Variants in DARS1 observed in about 807,000 individuals in gnomAD.
DARS1 encodes aspartate--tRNA ligase, cytoplasmic.
DARS1 carries 51 observed loss-of-function variants against 68.8 expected under a neutral mutation model. That is an observed-to-expected ratio of 0.74 (90% CI 0.59 to 0.94). The LOEUF (loss-of-function observed/expected upper bound fraction) is 0.94. Ranked by LOEUF, DARS1 falls within the 40% of genes least tolerant of loss-of-function variation. DARS1 has a pLI of 0.00. For missense variants in DARS1, 607 were observed against 597.3 expected, an observed-to-expected ratio of 1.02 and a Z score of -0.17; for synonymous variants, 203 against 190.4, an observed-to-expected ratio of 1.07 and a Z score of -0.55.
At chr2:135,970,190 T>C (rs1682334896) in intron 3 of DARS1, among the ~76,000 whole-genome samples, 1 of 142,866 alleles carries the variant, frequency 7.0e-6, no homozygotes, top group African/African-American at 2.6e-5. Context: ...TGCAGTGCGC[T>C]GCAATCATAC....
intron 2 of DARS1, among the ~76,000 whole-genome samples, chr2:135,980,090 G>GC (rs762080703): frequency 2.0e-5 from 3 of 152,154 alleles, no homozygotes; most frequent in Non-Finnish European, 4.4e-5. Flanking sequence ...TGCTTCCTGA[G>GC]CCCCAAGATC....
intron 4 of DARS1, among the ~76,000 whole-genome samples, chr2:135,950,909 G>C (rs911153421): frequency 6.6e-6 from 1 of 152,130 alleles, no homozygotes; most frequent in African/African-American, 2.4e-5. Flanking sequence ...ACAAAGGGGC[G>C]GGGAACAGTG....
chr2:135,970,647 T>TA (rs1682349097), intron 3 of DARS1, among the ~76,000 whole-genome samples: 1 of 151,048 alleles, frequency 6.6e-6, no homozygotes, highest in Non-Finnish European at 1.5e-5. Context: ...GGAAACAATA[T>TA]AAAAGATCAA....
chr2:135,944,509 A>G (rs1375011923), intron 4 of DARS1, among the ~76,000 whole-genome samples: 1 of 152,188 alleles, frequency 6.6e-6, no homozygotes, highest in African/African-American at 2.4e-5. Context: ...AGTAGTTAAG[A>G]AAGAAAATTG....
chr2:135,925,550 G>A (rs1321568695), intron 7 of DARS1, among the ~76,000 whole-genome samples: 2 of 152,108 alleles, frequency 1.3e-5, no homozygotes, highest in Non-Finnish European at 2.9e-5. Flanking sequence ...TTGAATTTCT[G>A]CAGATCAGAT....
intron 4 of DARS1, among the ~76,000 whole-genome samples, chr2:135,952,577 A>T (rs1261366771): frequency 1.3e-5 from 2 of 151,498 alleles, no homozygotes; most frequent in African/African-American, 4.9e-5. Context: ...GCCCCCCACC[A>T]ACTATTCTCT....
intron 10 of DARS1, among the ~76,000 whole-genome samples, chr2:135,916,691 G>A (rs1176617970): frequency 2.0e-5 from 3 of 151,950 alleles, no homozygotes; most frequent in Non-Finnish European, 2.9e-5. Flanking sequence ...AACAATTCTT[G>A]TTATCACTGA....
At chr2:135,979,848 T>C (rs1192204058) in intron 2 of DARS1, among the ~76,000 whole-genome samples, 1 of 152,226 alleles carries the variant, frequency 6.6e-6, no homozygotes, top group African/African-American at 2.4e-5. Context: ...ACAGTCGCAG[T>C]ATCCTATTCC....
Position 135,957,828 on chromosome 2 carries a change from A to T in DARS1, c.320+3568T>A, listed in dbSNP as rs993482629. 2.0e-5 allele frequency among the ~76,000 whole-genome samples: 3 copies of T among 152,180 alleles called. No individual in the cohort carries two copies. In the East Asian group the frequency reaches 5.8e-4, roughly 29 times the overall value. On this transcript the variant is annotated intron_variant, in intron 4 of 15. Coordinates refer to ENST00000264161, the MANE Select transcript of DARS1 (RefSeq NM_001349.4). ...TTACTTAAAGACCTACAAATACCAA[A>T]CTACTGTAAATGCTTATGCTTATAG...
intron 1 of DARS1, among the ~76,000 whole-genome samples, chr2:135,984,480 C>T (rs1682721833): frequency 6.6e-6 from 1 of 152,098 alleles, no homozygotes; most frequent in Non-Finnish European, 1.5e-5. Flanking sequence ...AAGGCGCTTA[C>T]TGAACAATTT....
At chr2:135,981,688 T>TTTTTTTTTTTTTTTTTTA (rs1682636172) in intron 2 of DARS1, among the ~76,000 whole-genome samples, 1 of 151,672 alleles carries the variant, frequency 6.6e-6, no homozygotes, top group African/African-American at 2.4e-5. Context: ...TTTTTTTTTT[T>TTTTTTTTTTTTTTTTTTA]GACAGGGTCT....
Position 135,906,900 on chromosome 2 carries a change from A to T in DARS1, c.*416T>A, listed in dbSNP as rs1680793072. The T allele has an allele frequency of 6.5e-6, 1 of 152,758 alleles. No individual in the cohort carries two copies. The highest frequency in any genetic ancestry group is 2.4e-5 in the African/African-American group (1 of 41,456). 9.5% of individuals were successfully genotyped at this position (152,758 alleles called of 1,614,324 possible). The stretch of plus-strand genomic sequence containing the variant: ...TATTCTTATCTCAATGACAGAATTT[A>T]AAAAAATAAGTTCAAATACTGAAAA... On this transcript the variant is annotated 3_prime_UTR_variant, in exon 16 of 16. Coordinates refer to ENST00000264161, the MANE Select transcript of DARS1 (RefSeq NM_001349.4).
In DARS1 at chr2:135,911,207, A is replaced by T; in HGVS notation, c.1346T>A (p.Leu449Ter). The T allele has an allele frequency of 6.6e-7, 1 of 1,505,134 alleles. No individual in the cohort carries two copies. The highest frequency in any genetic ancestry group is 9.2e-7 in the Non-Finnish European group (1 of 1,082,286). The allele number at this position is 1,505,134 out of a possible 1,614,324, so 93.2% of individuals were successfully genotyped here. The change falls in exon 15 of 16, where the codon TTG becomes TAG. Residue 449 changes from leucine (L) to a stop codon, truncating the protein, a stop_gained. Transcript: ENST00000264161. LOFTEE classifies it high-confidence loss of function. ...ATCAATGTAAGCCTTAATTTTCTCC[A>T]AATCTGCAAAAAGACACAAAACAAA... The part of the protein sequence containing the change: ...TERALHHGID[L>*]EKIKAYIDSF...
intron 7 of DARS1, among the ~76,000 whole-genome samples, chr2:135,931,753 G>C (rs1681353063): frequency 6.6e-6 from 1 of 152,120 alleles, no homozygotes; most frequent in Admixed American, 6.6e-5. Flanking sequence ...TATCTAGCAT[G>C]CTAGCTCATG....
intron 1 of DARS1, among the ~76,000 whole-genome samples, chr2:135,984,252 C>G (rs1242672081): frequency 6.6e-6 from 1 of 152,190 alleles, no homozygotes; most frequent in Non-Finnish European, 1.5e-5. Flanking sequence ...TACCTTGTAT[C>G]TAGACCTATA....
intron 7 of DARS1, among the ~76,000 whole-genome samples, chr2:135,929,003 T>G (rs1025265663): frequency 6.6e-6 from 1 of 152,178 alleles, no homozygotes; most frequent in African/African-American, 2.4e-5. Flanking sequence ...AACAGGGGGA[T>G]TCCAGCTGTA....
Position 135,941,421 on chromosome 2 carries a change from T to C in DARS1, c.423+1957A>G, listed in dbSNP as rs1334014558. On this transcript the variant is annotated intron_variant, in intron 5 of 15. Transcript: ENST00000264161. ...CAAGCAATGGGGAAAGGATTCCCTA[T>C]TTAATAAATGGTGCTGGGAAAACTG... Among the ~76,000 whole-genome samples, 4 of 152,200 alleles carry C rather than the reference T, an allele frequency of 2.6e-5. No homozygotes were observed. In the East Asian group the frequency reaches 7.7e-4, roughly 29 times the overall value.
chr2:135,929,703 GATTTTA>G (rs532657134), intron 7 of DARS1, among the ~76,000 whole-genome samples: 12 of 152,300 alleles, frequency 7.9e-5, no homozygotes, highest in African/African-American at 2.9e-4. Context: ...AAAGAGTTGA[GATTTTA>G]ATTTTTAGTT....
chr2:135,924,500 T>C lies in DARS1; in HGVS notation c.565-2A>G. On this transcript the variant is annotated splice_acceptor_variant, in intron 7 of 15. Coordinates refer to ENST00000264161, the MANE Select transcript of DARS1 (RefSeq NM_001349.4). LOFTEE classifies it high-confidence loss of function. Reference sequence around the variant, plus strand: ...GAAGACTGCCTGACTAGTTGATGTCTAGAAGACAGTAATAAAATCTAATTA... The same window carrying C: ...GAAGACTGCCTGACTAGTTGATGTCCAGAAGACAGTAATAAAATCTAATTA... 6.2e-7 allele frequency: 1 copy of C among 1,601,614 alleles called. No individual in the cohort carries two copies. The highest frequency in any genetic ancestry group is 8.5e-7 in the Non-Finnish European group (1 of 1,176,300).
Sources: gnomAD v4.1 joint callset for allele counts (sites outside exome capture counted in the v4.1 genomes callset) on GRCh38, gnomAD v4.1.1 for gene constraint, MANE v1.5 for transcripts, NCBI Gene and HGNC (gene_info 2026-07-23, HGNC 2026-07-21) for gene names.